Variants in ERC1 observed in about 807,000 individuals in gnomAD.
ERC1 encodes the protein ELKS/RAB6-interacting/CAST family member 1.
In ERC1, 56 loss-of-function variants were observed where a neutral mutation model predicts 132.0. The ratio of observed to expected loss-of-function variants is 0.42; its 90% CI spans 0.34 to 0.53. The LOEUF (loss-of-function observed/expected upper bound fraction) is 0.53, where lower values mean the gene tolerates loss of function less well. Ranked by LOEUF, ERC1 falls within the 20% of genes least tolerant of loss-of-function variation. The pLI is 0.03. For synonymous variants in ERC1, 478 were observed against 476.1 expected, an observed-to-expected ratio of 1.00 and a Z score of -0.05; for missense variants, 1,202 against 1,349.9, an observed-to-expected ratio of 0.89 and a Z score of 1.72.
chr12:1,132,113 A>G (rs1225986144), intron 7 of ERC1, among the ~76,000 whole-genome samples: 2 of 152,222 alleles, frequency 1.3e-5, no homozygotes, highest in African/African-American at 4.8e-5. Context: ...ACTCCAAACC[A>G]AAAGATCAGT....
chr12:1,436,252 G>T (rs769335998), intron 17 of ERC1, among the ~76,000 whole-genome samples: 5 of 152,114 alleles, frequency 3.3e-5, no homozygotes, highest in Non-Finnish European at 5.9e-5. Flanking sequence ...CCAGAGACTG[G>T]CCTGTCTTTG....
intron 8 of ERC1, among the ~76,000 whole-genome samples, chr12:1,147,741 G>C (rs1950510660): frequency 6.6e-6 from 1 of 152,144 alleles, no homozygotes; most frequent in Admixed American, 6.5e-5. Context: ...GAGGAGGGGA[G>C]TGATTTAATT....
At chr12:1,098,935 C>T (rs754188650) in intron 3 of ERC1, among the ~76,000 whole-genome samples, 16 of 152,160 alleles carry the variant, frequency 1.1e-4, no homozygotes, top group Non-Finnish European at 2.4e-4. Context: ...AGAGAAAGTG[C>T]AACTGGAGAG....
chr12:1,335,058 A>C (rs888944455), intron 15 of ERC1, among the ~76,000 whole-genome samples: 4 of 152,094 alleles, frequency 2.6e-5, no homozygotes, highest in African/African-American at 9.7e-5. Context: ...AATGCTAGTG[A>C]TATCTGTATA....
At chr12:1,280,591 A>G (rs1348448448) in intron 14 of ERC1, among the ~76,000 whole-genome samples, 2 of 152,230 alleles carry the variant, frequency 1.3e-5, no homozygotes, top group Non-Finnish European at 2.9e-5. Context: ...AGAAATTATT[A>G]TCCCCACAAG....
intron 15 of ERC1, among the ~76,000 whole-genome samples, chr12:1,328,767 TG>T (rs1337471717): frequency 1.3e-5 from 2 of 152,196 alleles, no homozygotes; most frequent in Non-Finnish European, 2.9e-5. Flanking sequence ...CCTATTGCTT[TG>T]TCTTTTTTTT....
chr12:1,484,583 C>CTTG (rs1555128794), intron 18 of ERC1, among the ~76,000 whole-genome samples: 2 of 138,128 alleles, frequency 1.4e-5, no homozygotes, highest in African/African-American at 5.4e-5. Flanking sequence ...TTTTCTTTTC[C>CTTG]TTTTTTTTTT....
intron 7 of ERC1, among the ~76,000 whole-genome samples, chr12:1,140,312 A>G (rs1949745540): frequency 6.6e-6 from 1 of 152,156 alleles, no homozygotes; most frequent in Admixed American, 6.5e-5. Context: ...TGCTTCTCAG[A>G]TACCTTGTAG....
chr12:1,006,693 G>A (rs1963673988), intron 1 of ERC1, among the ~76,000 whole-genome samples: 1 of 148,294 alleles, frequency 6.7e-6, no homozygotes, highest in South Asian at 2.1e-4. Context: ...ACTGTATCTG[G>A]CCTTTTCTTT....
At chr12:1,003,096 C>CAAAAAAAAAAAAAAAAAAAAA (rs59507923) in intron 1 of ERC1, among the ~76,000 whole-genome samples, 1 of 86,916 alleles carries the variant, frequency 1.2e-5, no homozygotes, top group Non-Finnish European at 2.0e-5. Context: ...ATGAAAAATG[C>CAAAAAAAAAAAAAAAAAAAAA]AAAAAAAAAA....
rs556101931 is a variant in ERC1, at chr12:1,469,549, A to G, written c.3214-20544A>G. 3.3e-5 allele frequency among the ~76,000 whole-genome samples: 5 copies of G among 152,362 alleles called. 1 individual carries two copies. The South Asian group carries it at 1.0e-3, about 32-fold the overall frequency. ...GGCTTCGCCTCCCCTCCGTGTGGGA[A>G]TAAACTGTGTGAAGCCATGTGGGTC... On this transcript the variant is annotated intron_variant, in intron 18 of 18. Transcript: ENST00000360905.
chr12:1,309,429 A>T (rs1566551593), intron 15 of ERC1, among the ~76,000 whole-genome samples: 2 of 152,206 alleles, frequency 1.3e-5, no homozygotes, highest in Non-Finnish European at 2.9e-5. Flanking sequence ...ATAAGTATTG[A>T]TGACATCTTA....
At chr12:1,104,054 A>G (rs1171441299) in intron 3 of ERC1, among the ~76,000 whole-genome samples, 2 of 151,852 alleles carry the variant, frequency 1.3e-5, no homozygotes, top group Admixed American at 1.3e-4. Context: ...AAATCACTGA[A>G]GTGGTTTGGT....
intron 1 of ERC1, among the ~76,000 whole-genome samples, chr12:1,020,471 A>T (rs1446223076): frequency 6.6e-6 from 1 of 152,132 alleles, no homozygotes. Flanking sequence ...AAACAAAACA[A>T]AAAGAAACAA....
chr12:1,303,955 G>GA (rs59587052), intron 15 of ERC1, among the ~76,000 whole-genome samples: 15,020 of 86,358 alleles, frequency 0.17, 1,314 homozygotes, highest in African/African-American at 0.3. Context: ...CTCCATCTCA[G>GA]AAAAAAAAAA....
intron 17 of ERC1, among the ~76,000 whole-genome samples, chr12:1,439,639 T>G (rs975429665): frequency 6.6e-6 from 1 of 152,232 alleles, no homozygotes; most frequent in Non-Finnish European, 1.5e-5. Context: ...TTTTTCCTAG[T>G]GCAGAAAAGT....
At chr12:1,450,332 C>T (rs768561535) in intron 18 of ERC1, among the ~76,000 whole-genome samples, 1 of 152,168 alleles carries the variant, frequency 6.6e-6, no homozygotes, top group Non-Finnish European at 1.5e-5. Context: ...CCCCATTCTC[C>T]CTTGCCCCAT....
intron 16 of ERC1, among the ~76,000 whole-genome samples, chr12:1,373,590 G>A (rs1287701833): frequency 6.6e-6 from 1 of 152,170 alleles, no homozygotes; most frequent in Non-Finnish European, 1.5e-5. Context: ...GACCATCCTG[G>A]CCAACATGGT....
chr12:1,192,584 T>G (rs1210474991), intron 12 of ERC1, among the ~76,000 whole-genome samples: 1 of 152,220 alleles, frequency 6.6e-6, no homozygotes, highest in African/African-American at 2.4e-5. Flanking sequence ...ATGCTCCTTC[T>G]GCCCCTTGGC....
Sources: allele counts gnomAD v4.1 joint callset (sites outside exome capture counted in the v4.1 genomes callset), GRCh38; gene constraint gnomAD v4.1.1; transcripts MANE v1.5; gene names NCBI Gene and HGNC (gene_info 2026-07-23, HGNC 2026-07-21).